The following ENTREP2 variants were observed in gnomAD, a reference collection of about 807,000 sequenced individuals.
ENTREP2 encodes the protein protein ENTREP2.
At chr15:29,655,663 T>G in the ENTREP2 span, among the ~76,000 whole-genome samples, 4,618 of 152,168 alleles carry the variant, frequency 0.03, 207 homozygotes, top group African/African-American at 0.1. Flanking sequence ...GAGCCAATCA[T>G]GAATTTCAAC....
At chr15:29,625,020 C>T in the ENTREP2 span, among the ~76,000 whole-genome samples, 3 of 152,180 alleles carry the variant, frequency 2.0e-5, no homozygotes, top group Admixed American at 2.0e-4. Context: ...TATCCAGGCT[C>T]ACCCATCCAC....
chr15:29,205,810 T>C, the ENTREP2 span, among the ~76,000 whole-genome samples: 1 of 152,206 alleles, frequency 6.6e-6, no homozygotes, highest in Non-Finnish European at 1.5e-5. Context: ...CAATTCAACT[T>C]TTTGAATACT....
At chr15:29,623,477 T>G in the ENTREP2 span, among the ~76,000 whole-genome samples, 1 of 152,228 alleles carries the variant, frequency 6.6e-6, no homozygotes, top group African/African-American at 2.4e-5. Context: ...CTCAAGGTCA[T>G]GCAGCAAGTA....
the ENTREP2 span, among the ~76,000 whole-genome samples, chr15:29,480,280 C>A: frequency 7.1e-6 from 1 of 141,416 alleles, no homozygotes; most frequent in Non-Finnish European, 1.5e-5. Context: ...AAGGGCTCAT[C>A]CTACGAAAAT....
At chr15:29,588,993 A>G in the ENTREP2 span, among the ~76,000 whole-genome samples, 1 of 148,992 alleles carries the variant, frequency 6.7e-6, no homozygotes, top group African/African-American at 2.4e-5. Context: ...TTGTCTCAGA[A>G]AAAAAAAAAA....
chr15:29,613,014 T>C, the ENTREP2 span, among the ~76,000 whole-genome samples: 1 of 152,154 alleles, frequency 6.6e-6, no homozygotes, highest in South Asian at 2.1e-4. Flanking sequence ...TTCCTCTGCA[T>C]GTTTCATCCT....
the ENTREP2 span, among the ~76,000 whole-genome samples, chr15:29,294,419 C>T: frequency 6.6e-6 from 1 of 152,198 alleles, no homozygotes; most frequent in Non-Finnish European, 1.5e-5. Flanking sequence ...TGCACTTGTC[C>T]TGGGTCTCTG....
At chr15:29,620,908 C>T in the ENTREP2 span, among the ~76,000 whole-genome samples, 5 of 152,072 alleles carry the variant, frequency 3.3e-5, no homozygotes, top group Non-Finnish European at 7.3e-5. Context: ...TTGTTAGAAG[C>T]TGAGAATAAA....
chr15:29,645,850 C>T, the ENTREP2 span, among the ~76,000 whole-genome samples: 12 of 152,264 alleles, frequency 7.9e-5, no homozygotes, highest in East Asian at 1.2e-3. Flanking sequence ...TGAGCCACTG[C>T]GCCTGGCCGT....
At chr15:29,651,973 C>T in the ENTREP2 span, among the ~76,000 whole-genome samples, 48 of 152,274 alleles carry the variant, frequency 3.2e-4, no homozygotes, top group African/African-American at 9.4e-4. Flanking sequence ...GGGGCCAGGC[C>T]GCCAGTCCTG....
At chr15:29,136,933 G>T in the ENTREP2 span, 1 of 1,053,262 alleles carries the variant, frequency 9.5e-7, no homozygotes. Context: ...CCCCTCCTCT[G>T]TTCTCACCGC....
At chr15:29,536,302 A>T in the ENTREP2 span, among the ~76,000 whole-genome samples, 1 of 152,188 alleles carries the variant, frequency 6.6e-6, no homozygotes, top group Non-Finnish European at 1.5e-5. Context: ...GCAGCCTTCT[A>T]GCTGGATTCA....
At chr15:29,657,014 T>C in the ENTREP2 span, among the ~76,000 whole-genome samples, 1 of 152,168 alleles carries the variant, frequency 6.6e-6, no homozygotes, top group Non-Finnish European at 1.5e-5. Flanking sequence ...TCTCGCTGCC[T>C]TCAAGAACGA....
chr15:29,576,591 G>A, the ENTREP2 span, among the ~76,000 whole-genome samples: 263 of 152,336 alleles, frequency 1.7e-3, 1 homozygote, highest in Admixed American at 0.012. Flanking sequence ...AGAGATATAT[G>A]CCATGTATTC....
chr15:29,656,342 C>CGG, the ENTREP2 span, among the ~76,000 whole-genome samples: 2 of 151,970 alleles, frequency 1.3e-5, no homozygotes, highest in African/African-American at 4.8e-5. Flanking sequence ...TCTCATGTGT[C>CGG]AGCCTCCCGA....
the ENTREP2 span, among the ~76,000 whole-genome samples, chr15:29,356,146 G>A: frequency 6.6e-6 from 1 of 150,532 alleles, no homozygotes; most frequent in East Asian, 2.0e-4. Context: ...ATGTGAGGAT[G>A]AGAAGATTTT....
the ENTREP2 span, among the ~76,000 whole-genome samples, chr15:29,497,804 C>G: frequency 1.3e-5 from 2 of 151,148 alleles, no homozygotes; most frequent in Non-Finnish European, 2.9e-5. Flanking sequence ...TTTACTATAT[C>G]CTTCCTTCTG....
chr15:29,521,509 A>G, the ENTREP2 span, among the ~76,000 whole-genome samples: 2 of 152,208 alleles, frequency 1.3e-5, no homozygotes, highest in Non-Finnish European at 2.9e-5. Context: ...CTTGAAAGCT[A>G]GAAGTAGTAT....
At chr15:29,196,092 G>T in the ENTREP2 span, among the ~76,000 whole-genome samples, 2 of 151,790 alleles carry the variant, frequency 1.3e-5, no homozygotes, top group African/African-American at 2.4e-5. Context: ...ATCCCCATTT[G>T]TTCCCTGATG....
Sources: gnomAD v4.1 joint callset for allele counts (sites outside exome capture counted in the v4.1 genomes callset) on GRCh38, gnomAD v4.1.1 for gene constraint, MANE v1.5 for transcripts, NCBI Gene and HGNC (gene_info 2026-07-23, HGNC 2026-07-21) for gene names.